SVEP1: variants seen among roughly 807,000 people sequenced by gnomAD.
SVEP1 encodes the protein sushi, von Willebrand factor type A, EGF and pentraxin domain-containing protein 1.
SVEP1 carries 164 observed loss-of-function variants against 367.3 expected under a neutral mutation model. The ratio of observed to expected loss-of-function variants is 0.45; its 90% confidence interval spans 0.39 to 0.51. The LOEUF is 0.51. SVEP1 is among the 20% of genes least tolerant of loss of function. SVEP1 has a pLI of 0.00. For missense variants in SVEP1, 4,117 were observed against 4,425.3 expected, an observed-to-expected ratio of 0.93 and a Z score of 1.98; for synonymous variants, 1,666 against 1,611.6, an observed-to-expected ratio of 1.03 and a Z score of -0.81.
rs770157923 is a variant in SVEP1, at chr9:110,459,011, G to T, written c.3425C>A (p.Ala1142Asp). The T allele has an allele frequency of 6.2e-7, 1 of 1,613,860 alleles. No individual in the cohort carries two copies. The highest frequency in any genetic ancestry group is 1.1e-5 in the South Asian group (1 of 91,078). ...TGGGGTAGTTCCATAAAAGGGACAG[G>T]CCAGGCAGAAGGCCTTCCCTGCATT... ...QPNAGKAFCL[A>D]CPFYGTTPFA... is the part of the protein sequence containing the mutation. Residue 1142 changes from alanine to aspartate, a missense_variant, in exon 19 of 48, where the codon GCC becomes GAC. Ala to Asp is a moderately radical substitution (Grantham distance 126, BLOSUM62 -2). Coordinates refer to ENST00000374469, the MANE Select transcript of SVEP1 (RefSeq NM_153366.4).
Position 110,457,202 on chromosome 9 carries a change from C to A in SVEP1, c.3673+54G>T. ...TGTACTAAAGTTTGATACTGCAAGT[C>A]ATAATGATTTCATATAAAATATATT... On this transcript the variant is annotated intron_variant, in intron 21 of 47. Transcript: ENST00000374469. The A allele has an allele frequency of 2.1e-6, 3 of 1,405,792 alleles. No individual in the cohort carries two copies. The South Asian group carries it at 4.0e-5, about 19-fold the overall frequency. The allele number at this position is 1,405,792 out of a possible 1,614,324, so 87.1% of individuals were successfully genotyped here.
intron 3 of SVEP1, among the ~76,000 whole-genome samples, chr9:110,525,739 A>G (rs1308175555): frequency 2.0e-5 from 3 of 152,158 alleles, no homozygotes; most frequent in Admixed American, 2.0e-4. Flanking sequence ...ATCCAGAAAC[A>G]GAGCTACACT....
intron 5 of SVEP1, among the ~76,000 whole-genome samples, chr9:110,511,098 T>C (rs893031525): frequency 6.6e-6 from 1 of 152,234 alleles, no homozygotes; most frequent in Non-Finnish European, 1.5e-5. Flanking sequence ...TGTTTCTAAC[T>C]ATGAAATGGA....
chr9:110,454,307 T>G (rs1472852977), intron 22 of SVEP1, among the ~76,000 whole-genome samples: 1 of 152,228 alleles, frequency 6.6e-6, no homozygotes, highest in African/African-American at 2.4e-5. Context: ...AGAAGGGTAT[T>G]CCCTAGGTTT....
At chr9:110,415,619 C>A (rs1481264105) in intron 36 of SVEP1, among the ~76,000 whole-genome samples, 2 of 152,004 alleles carry the variant, frequency 1.3e-5, no homozygotes, top group Non-Finnish European at 2.9e-5. Flanking sequence ...CTATGCCAAT[C>A]AACTCCTTGG....
intron 8 of SVEP1, among the ~76,000 whole-genome samples, chr9:110,496,415 C>G (rs1176759845): frequency 1.3e-5 from 2 of 152,214 alleles, no homozygotes; most frequent in Admixed American, 6.5e-5. Context: ...ATCTTTCTCC[C>G]GTGCTGGCTG....
In SVEP1 at chr9:110,469,065, T is replaced by C; in HGVS notation, c.3035A>G (p.His1012Arg). The stretch of plus-strand genomic sequence containing the variant: ...GATCCGGCAGCTTTCACAGGTGAAA[T>C]GTTCCAGATTATAATAGGTTCCCAA... ...CPLGTYYNLE[H>R]FTCESCRIGS... is the part of the protein sequence containing the mutation. The change falls in exon 17 of 48, where the codon CAT becomes CGT. Residue 1012 changes from histidine to arginine, a missense_variant. His to Arg is a conservative substitution (Grantham distance 29). Coordinates refer to ENST00000374469, the MANE Select transcript of SVEP1 (RefSeq NM_153366.4). The C allele has an allele frequency of 6.2e-7, 1 of 1,613,714 alleles. No individual in the cohort carries two copies. The highest frequency in any genetic ancestry group is 1.1e-5 in the South Asian group (1 of 90,964).
chr9:110,509,974 T>C (rs1829682633), intron 5 of SVEP1, among the ~76,000 whole-genome samples: 1 of 152,192 alleles, frequency 6.6e-6, no homozygotes, highest in Admixed American at 6.5e-5. Context: ...GGTTCCAAGT[T>C]AGGGTTGATC....
intron 46 of SVEP1, among the ~76,000 whole-genome samples, chr9:110,371,673 A>G (rs1451439485): frequency 6.6e-6 from 1 of 152,066 alleles, no homozygotes; most frequent in East Asian, 1.9e-4. Context: ...AAATGGCAAC[A>G]CCTTCCACTC....
chr9:110,433,465 C>CTT (rs11300153), intron 30 of SVEP1, among the ~76,000 whole-genome samples: 20 of 119,994 alleles, frequency 1.7e-4, no homozygotes, highest in South Asian at 5.4e-4. Flanking sequence ...TTTTGTATTA[C>CTT]TTTTTTTTTT....
Position 110,481,392 on chromosome 9 carries a change from T to C in SVEP1, c.2215A>G (p.Ile739Val). Reference sequence around the variant, plus strand: ...ACTCCAGTATTATCTGGAGTGCATATAAAATCCCCATTTACAGGTGTGAAT... The same window carrying C: ...ACTCCAGTATTATCTGGAGTGCATACAAAATCCCCATTTACAGGTGTGAAT... Reference protein sequence around the residue: ...IPFTPVNGDFICTPDNTGVNC... With the variant: ...IPFTPVNGDFVCTPDNTGVNC... Residue 739 changes from isoleucine (I) to valine (V), a missense_variant, in exon 12 of 48, where the codon ATA becomes GTA. Ile to Val is a conservative substitution (Grantham distance 29, BLOSUM62 3). Coordinates refer to ENST00000374469, the MANE Select transcript of SVEP1 (RefSeq NM_153366.4). 6.2e-7 allele frequency: 1 copy of C among 1,604,446 alleles called. No individual in the cohort carries two copies. The highest frequency in any genetic ancestry group is 8.5e-7 in the Non-Finnish European group (1 of 1,175,522).
At chr9:110,556,107 A>G (rs756757434) in intron 1 of SVEP1, among the ~76,000 whole-genome samples, 2 of 152,208 alleles carry the variant, frequency 1.3e-5, no homozygotes, top group African/African-American at 2.4e-5. Flanking sequence ...GGTTATCACC[A>G]TCTGTATTGT....
intron 17 of SVEP1, among the ~76,000 whole-genome samples, chr9:110,466,666 C>CTG (rs1828942001): frequency 7.1e-6 from 1 of 140,658 alleles, no homozygotes; most frequent in Non-Finnish European, 1.5e-5. Context: ...GAGGCTGAGG[C>CTG]AGGAGAATGG....
chr9:110,519,847 T>C (rs1829855604), intron 3 of SVEP1, among the ~76,000 whole-genome samples: 1 of 152,136 alleles, frequency 6.6e-6, no homozygotes, highest in African/African-American at 2.4e-5. Flanking sequence ...TAACAAGCTA[T>C]GGGGTCACTG....
intron 8 of SVEP1, among the ~76,000 whole-genome samples, chr9:110,493,932 T>C (rs548004600): frequency 1.3e-5 from 2 of 152,282 alleles, no homozygotes; most frequent in African/African-American, 4.8e-5. Flanking sequence ...TGCATGGTCC[T>C]CCTCCTCTAG....
intron 47 of SVEP1, among the ~76,000 whole-genome samples, chr9:110,368,258 G>GGGTTCCATA (rs1827227627): frequency 6.6e-6 from 1 of 152,084 alleles, no homozygotes; most frequent in Admixed American, 6.5e-5. Context: ...CTCTGTCCTT[G>GGGTTCCATA]GGTTCCATAC....
chr9:110,575,748 G>A (rs756938158), intron 1 of SVEP1, among the ~76,000 whole-genome samples: 4 of 152,024 alleles, frequency 2.6e-5, no homozygotes, highest in Non-Finnish European at 5.9e-5. Context: ...ACAGCTGAGG[G>A]TTAATACCAT....
intron 47 of SVEP1, among the ~76,000 whole-genome samples, chr9:110,369,416 G>GT (rs1357684491): frequency 6.6e-6 from 1 of 151,994 alleles, no homozygotes; most frequent in African/African-American, 2.4e-5. Flanking sequence ...TAAAATAAAC[G>GT]TTTCTTATCA....
intron 8 of SVEP1, among the ~76,000 whole-genome samples, chr9:110,495,398 A>G (rs1022290606): frequency 1.3e-5 from 2 of 152,184 alleles, no homozygotes; most frequent in Admixed American, 1.3e-4. Flanking sequence ...AAGGGTCCTT[A>G]TAAGGGGAAG....
Sources: gnomAD v4.1 joint callset for allele counts (sites outside exome capture counted in the v4.1 genomes callset) on GRCh38, gnomAD v4.1.1 for gene constraint, MANE v1.5 for transcripts, NCBI Gene and HGNC (gene_info 2026-07-23, HGNC 2026-07-21) for gene names.